Variants in FANK1 observed in about 807,000 individuals in gnomAD.
FANK1 encodes the protein fibronectin type 3 and ankyrin repeat domains protein 1.
In FANK1, 44 loss-of-function variants were observed where a neutral mutation model predicts 45.3. The ratio of observed to expected loss-of-function variants is 0.97; its 90% CI spans 0.76 to 1.25. The LOEUF is 1.25. Ranked by LOEUF, FANK1 falls within the 50% of genes most tolerant of loss-of-function variation. FANK1 has a pLI of 0.00. For missense variants in FANK1, 391 were observed against 424.4 expected (o/e 0.92, Z 0.69); for synonymous variants, 149 against 152.5 (o/e 0.98, Z 0.17).
intron 1 of FANK1, among the ~76,000 whole-genome samples, chr10:125,924,281 C>T (rs569604108): frequency 7.0e-5 from 8 of 114,984 alleles, no homozygotes; most frequent in South Asian, 2.9e-4. Flanking sequence ...GATGTAGTCT[C>T]GCTCGCTCTT....
intron 1 of FANK1, among the ~76,000 whole-genome samples, chr10:125,935,976 T>C (rs955986499): frequency 5.9e-5 from 9 of 152,198 alleles, no homozygotes; most frequent in African/African-American, 2.2e-4. Context: ...TTCTTTACCT[T>C]CTCTGAATTC....
At chr10:125,989,372 A>G (rs954592412) in intron 3 of FANK1, 1 of 1,550,616 alleles carries the variant, frequency 6.4e-7, no homozygotes, top group South Asian at 1.2e-5. Flanking sequence ...GTAATTTTTC[A>G]GTTGCACAAA....
chr10:125,953,384 C>T (rs931720967), intron 1 of FANK1, among the ~76,000 whole-genome samples: 3 of 152,130 alleles, frequency 2.0e-5, no homozygotes, highest in Non-Finnish European at 4.4e-5. Flanking sequence ...CTTTCCAGAC[C>T]TCCTAAATAG....
At chr10:125,913,300 T>A (rs892054236) in intron 1 of FANK1, among the ~76,000 whole-genome samples, 14 of 151,014 alleles carry the variant, frequency 9.3e-5, no homozygotes, top group Non-Finnish European at 1.9e-4. Context: ...AAACTCATTC[T>A]GCATGACACC....
At chr10:125,956,568 G>A in intron 1 of FANK1, among the ~76,000 whole-genome samples, 1 of 152,048 alleles carries the variant, frequency 6.6e-6, no homozygotes, top group Non-Finnish European at 1.5e-5. Flanking sequence ...TATACCACAG[G>A]TACATGAAAT....
intron 7 of FANK1, among the ~76,000 whole-genome samples, chr10:126,007,344 A>T (rs1178072539): frequency 2.0e-5 from 3 of 152,230 alleles, no homozygotes; most frequent in African/African-American, 7.2e-5. Context: ...AACGTTTAGG[A>T]CCAAAAGAGA....
At chr10:125,947,440 C>CA (rs1201992715) in intron 1 of FANK1, among the ~76,000 whole-genome samples, 5 of 148,284 alleles carry the variant, frequency 3.4e-5, no homozygotes, top group African/African-American at 9.9e-5. Flanking sequence ...AAATGGAAAA[C>CA]AAAAAAAGGC....
chr10:125,964,452 G>A (rs953186780), intron 1 of FANK1, among the ~76,000 whole-genome samples: 11 of 151,872 alleles, frequency 7.2e-5, no homozygotes, highest in Non-Finnish European at 1.3e-4. Flanking sequence ...CTAGGCCTCC[G>A]AAAGTGCTGG....
At chr10:125,975,822 T>G (rs1239347160) in intron 1 of FANK1, among the ~76,000 whole-genome samples, 2 of 152,270 alleles carry the variant, frequency 1.3e-5, no homozygotes, top group African/African-American at 4.8e-5. Context: ...GACATTGTGC[T>G]GTTTGATCAT....
intron 3 of FANK1, among the ~76,000 whole-genome samples, chr10:125,992,083 G>A (rs993879351): frequency 6.6e-6 from 1 of 152,162 alleles, no homozygotes; most frequent in Non-Finnish European, 1.5e-5. Context: ...AGCAATGGCC[G>A]GCCTTTTAAA....
At chr10:125,916,675 C>T (rs1946474241) in intron 1 of FANK1, among the ~76,000 whole-genome samples, 1 of 152,138 alleles carries the variant, frequency 6.6e-6, no homozygotes. Flanking sequence ...ACATGCTACA[C>T]CATGGATGAA....
chr10:125,963,049 T>TG (rs1205727069), intron 1 of FANK1, among the ~76,000 whole-genome samples: 1 of 151,702 alleles, frequency 6.6e-6, no homozygotes, highest in Non-Finnish European at 1.5e-5. Context: ...CAGTGGTGTG[T>TG]GAGCTCTGCT....
At chr10:125,907,760 C>T (rs1945656027) in intron 1 of FANK1, among the ~76,000 whole-genome samples, 1 of 152,122 alleles carries the variant, frequency 6.6e-6, no homozygotes, top group South Asian at 2.1e-4. Context: ...AGCCCAACAG[C>T]AGGTGGTGTC....
At chr10:125,924,438 G>C (rs1270320071) in intron 1 of FANK1, among the ~76,000 whole-genome samples, 1 of 151,698 alleles carries the variant, frequency 6.6e-6, no homozygotes, top group Non-Finnish European at 1.5e-5. Context: ...ATTTTTAGTA[G>C]AGATGGGGTT....
intron 3 of FANK1, chr10:125,994,481 G>T: frequency 1.0e-6 from 1 of 985,332 alleles, no homozygotes; most frequent in East Asian, 1.1e-4. Context: ...TACAGTTGGA[G>T]TATGTAAGAA....
chr10:125,949,208 C>T (rs1479447584), intron 1 of FANK1, among the ~76,000 whole-genome samples: 6 of 151,312 alleles, frequency 4.0e-5, no homozygotes, highest in African/African-American at 1.5e-4. Context: ...AAAACTGGCA[C>T]AACACAGGGA....
intron 1 of FANK1, among the ~76,000 whole-genome samples, chr10:125,977,645 G>A (rs1244038926): frequency 1.3e-5 from 2 of 152,100 alleles, no homozygotes; most frequent in Non-Finnish European, 2.9e-5. Context: ...GGTTGTGGCC[G>A]GGGGTTATTT....
chr10:125,912,488 T>TGTGTG (rs1564862333), intron 1 of FANK1, among the ~76,000 whole-genome samples: 2 of 137,898 alleles, frequency 1.5e-5, no homozygotes, highest in African/African-American at 2.8e-5. Flanking sequence ...GTGTGTGTGT[T>TGTGTG]TTTGAGATTA....
At chr10:126,008,631 G>C in intron 8 of FANK1, 81 bp downstream of exon 8, 4 of 1,507,414 alleles carry the variant, frequency 2.7e-6, no homozygotes, top group Non-Finnish European at 3.6e-6. Flanking sequence ...CAATTCTTGT[G>C]AGTTCAGCCC....
Sources: gnomAD v4.1 joint callset for allele counts (sites outside exome capture counted in the v4.1 genomes callset) on GRCh38, gnomAD v4.1.1 for gene constraint, MANE v1.5 for transcripts, NCBI Gene and HGNC (gene_info 2026-07-23, HGNC 2026-07-21) for gene names.